PNKD: variants seen among roughly 807,000 people sequenced by gnomAD.
PNKD encodes PNKD metallo-beta-lactamase domain containing, also known as probable thioesterase PNKD.
A neutral mutation model predicts 45.3 loss-of-function variants in PNKD; 36 were observed. The ratio of observed to expected loss-of-function variants is 0.80; its 90% CI spans 0.61 to 1.05. The LOEUF (loss-of-function observed/expected upper bound fraction) is 1.05, where lower values mean the gene tolerates loss of function less well. Ranked by LOEUF, PNKD falls within the 50% of genes least tolerant of loss-of-function variation. PNKD has a pLI of 0.00. For missense variants in PNKD, 511 were observed against 506.6 expected, an observed-to-expected ratio of 1.01 and a Z score of -0.08; for synonymous variants, 197 against 210.1, an observed-to-expected ratio of 0.94 and a Z score of 0.54.
chr2:218,342,719 A>G (rs988746569), intron 7 of PNKD, among the ~76,000 whole-genome samples: 4 of 151,992 alleles, frequency 2.6e-5, no homozygotes, highest in Non-Finnish European at 5.9e-5. Context: ...AAAAAAATTT[A>G]AATAATATAA....
intron 5 of PNKD, among the ~76,000 whole-genome samples, chr2:218,341,072 T>A (rs1030415089): frequency 6.6e-6 from 1 of 152,236 alleles, no homozygotes. Flanking sequence ...ACAAAAGTTA[T>A]GACTCTTCCA....
At chr2:218,291,083 C>G (rs990300111) in intron 2 of PNKD, among the ~76,000 whole-genome samples, 1 of 152,112 alleles carries the variant, frequency 6.6e-6, no homozygotes, top group Admixed American at 6.5e-5. Flanking sequence ...GCTGAGGCAC[C>G]CATTCCCAGG....
intron 2 of PNKD, chr2:218,276,132 C>G: frequency 1.3e-6 from 2 of 1,581,282 alleles, no homozygotes; most frequent in Non-Finnish European, 1.7e-6. Flanking sequence ...AAACCACAGG[C>G]CCACAGGCCC....
chr2:218,277,922 C>A (rs1434941823), intron 2 of PNKD: 2 of 1,614,160 alleles, frequency 1.2e-6, no homozygotes, highest in South Asian at 1.1e-5. Context: ...TCCTGCCACC[C>A]TTCTAGACTT....
chr2:218,273,088 G>A (rs926310372), intron 2 of PNKD: 21 of 509,338 alleles, frequency 4.1e-5, no homozygotes, highest in Non-Finnish European at 6.1e-5. Flanking sequence ...AACCAGCCTA[G>A]GCCCCGGGCC....
intron 2 of PNKD, among the ~76,000 whole-genome samples, chr2:218,337,488 G>T (rs887882563): frequency 1.3e-5 from 2 of 152,146 alleles, no homozygotes; most frequent in Non-Finnish European, 2.9e-5. Flanking sequence ...TTTCTATATC[G>T]CTATTTGCAG....
chr2:218,334,905 T>C, intron 2 of PNKD: 1 of 613,474 alleles, frequency 1.6e-6, no homozygotes, highest in Non-Finnish European at 2.9e-6. Flanking sequence ...GACTGGGGTC[T>C]CCAGGTGTTA....
At chr2:218,277,517 C>G in intron 2 of PNKD, 1 of 1,607,916 alleles carries the variant, frequency 6.2e-7, no homozygotes, top group Non-Finnish European at 8.5e-7. Context: ...TTCAAAATCA[C>G]CACTTCCAGA....
chr2:218,342,173 G>A, intron 7 of PNKD, 29 bp downstream of exon 7: 1 of 1,594,934 alleles, frequency 6.3e-7, no homozygotes, highest in Non-Finnish European at 8.6e-7. Flanking sequence ...GAGAGGAGCT[G>A]GGAGAGGAGG....
chr2:218,280,874 T>G (rs1391812950), intron 2 of PNKD: 1 of 143,422 alleles, frequency 7.0e-6, no homozygotes, highest in Non-Finnish European at 1.5e-5. Flanking sequence ...TGCAAAGGCG[T>G]GATCTCGGCT....
At position 218,316,343 on chromosome 2, in the gene PNKD, C is replaced by T. The variant is rs1467383913; in HGVS notation, c.237-23440C>T. On this transcript the variant is annotated intron_variant, in intron 2 of 9. Transcript: ENST00000273077. ...GGAGTGCAGTGGCACGATCTCAGCT[C>T]ACTGCAACCTCCACCTCCCAGGTTC... 5.5e-5 allele frequency among the ~76,000 whole-genome samples: 8 copies of T among 145,342 alleles called. No individual in the cohort carries two copies. The Admixed American group carries it at 5.8e-4, about 10-fold the overall frequency.
At chr2:218,297,637 A>G (rs185840294) in intron 2 of PNKD, among the ~76,000 whole-genome samples, 6 of 144,640 alleles carry the variant, frequency 4.1e-5, no homozygotes, top group African/African-American at 1.3e-4. Context: ...GTGAGCCGAG[A>G]TCATGCCACT....
chr2:218,281,076 T>A (rs1691889204), intron 2 of PNKD: 1 of 151,482 alleles, frequency 6.6e-6, no homozygotes. Context: ...GTGTTGAGAT[T>A]ACAGGCATGA....
chr2:218,279,870 G>A (rs1691690145), intron 2 of PNKD, among the ~76,000 whole-genome samples: 2 of 152,212 alleles, frequency 1.3e-5, no homozygotes, highest in Non-Finnish European at 2.9e-5. Flanking sequence ...GGTTAGAGAA[G>A]CCAGGTGCCC....
At chr2:218,283,683 A>G (rs1388400863) in intron 2 of PNKD, among the ~76,000 whole-genome samples, 2 of 152,230 alleles carry the variant, frequency 1.3e-5, no homozygotes, top group Non-Finnish European at 2.9e-5. Flanking sequence ...TCGGGGATCA[A>G]ATAAAGGACT....
rs386392656 is a variant in PNKD, at chr2:218,314,222, C to CT, written c.237-25540dup. ...ACAGGCGTGAGCCACCGCGCCCTGG[C>CT]TTTTTTTTTTTTTTTTTTTTTGAGA... On this transcript the variant is annotated intron_variant, in intron 2 of 9. Transcript: ENST00000273077. Among the ~76,000 whole-genome samples the CT allele has an allele frequency of 6.2e-3, 421 of 67,672 alleles. 45 individuals are homozygous for CT. The highest frequency in any genetic ancestry group is 0.022 in the African/African-American group (341 of 15,308). The allele number at this position is 67,672 out of a possible 152,430, so 44.4% of individuals were successfully genotyped here.
In PNKD at chr2:218,270,588, C is replaced by T. The variant is rs1374309402; in HGVS notation, c.53C>T (p.Ala18Val). 9.1e-7 allele frequency: 1 copy of T among 1,097,102 alleles called. No homozygotes were observed. The allele number at this position is 1,097,102 out of a possible 1,614,324, so 68.0% of individuals were successfully genotyped here. ...CTGAAGGGCCGGGGGGCGAGAAATG[C>T]CCGCGTCCTCCGGGGTAAGGAGAGG... ...TALKGRGARNARVLRGILAGA... is the reference protein window; with the variant it reads ...TALKGRGARNVRVLRGILAGA... The change falls in exon 1 of 10, where the codon GCC becomes GTC. Residue 18 changes from alanine to valine, a missense_variant. Physicochemically the swap from Ala to Val is moderately conservative, Grantham distance 64. Transcript: ENST00000273077.
chr2:218,273,041 C>G, intron 2 of PNKD: 1 of 921,694 alleles, frequency 1.1e-6, no homozygotes, highest in South Asian at 1.8e-5. Flanking sequence ...TCAGTGTTCC[C>G]AGCTGGATGG....
intron 2 of PNKD, among the ~76,000 whole-genome samples, chr2:218,297,757 T>C (rs1470896769): frequency 6.7e-6 from 1 of 149,718 alleles, no homozygotes; most frequent in African/African-American, 2.5e-5. Flanking sequence ...CCCAGCACTT[T>C]GAGAGGCCGA....
Sources: allele counts gnomAD v4.1 joint callset (sites outside exome capture counted in the v4.1 genomes callset), GRCh38; gene constraint gnomAD v4.1.1; transcripts MANE v1.5; gene names NCBI Gene and HGNC (gene_info 2026-07-23, HGNC 2026-07-21).